BTBD9: variants seen among roughly 807,000 people sequenced by gnomAD.
BTBD9 encodes the protein BTB/POZ domain-containing protein 9.
BTBD9 carries 49 observed loss-of-function variants against 64.3 expected under a neutral mutation model. That is an observed-to-expected ratio of 0.76 (90% confidence interval 0.61 to 0.97). BTBD9 has a LOEUF of 0.97. BTBD9 is among the 50% of genes least tolerant of loss of function. BTBD9 has a pLI of 0.00. For synonymous variants in BTBD9, 260 were observed against 274.7 expected (o/e 0.95, Z 0.53); for missense variants, 598 against 762.1 (o/e 0.78, Z 2.53).
At chr6:38,208,759 C>T (rs1056231310) in intron 9 of BTBD9, among the ~76,000 whole-genome samples, 1 of 152,200 alleles carries the variant, frequency 6.6e-6, no homozygotes. Context: ...TCCAGACTTA[C>T]AGGGAATTCT....
At chr6:38,612,397 C>T (rs1777641665) in intron 1 of BTBD9, among the ~76,000 whole-genome samples, 2 of 152,198 alleles carry the variant, frequency 1.3e-5, no homozygotes, top group Admixed American at 1.3e-4. Context: ...ACCAACTAAC[C>T]AAGTTTATTA....
intron 4 of BTBD9, chr6:38,588,313 C>T (rs1776635800): frequency 9.9e-7 from 1 of 1,007,992 alleles, no homozygotes; most frequent in African/African-American, 1.6e-5. Flanking sequence ...TTATCCTGCA[C>T]AAATTTATAC....
chr6:38,442,529 G>T (rs928890330), intron 6 of BTBD9, among the ~76,000 whole-genome samples: 1 of 151,986 alleles, frequency 6.6e-6, no homozygotes, highest in African/African-American at 2.4e-5. Flanking sequence ...AGTACATGGA[G>T]AGGAAGAATA....
intron 9 of BTBD9, among the ~76,000 whole-genome samples, chr6:38,220,058 G>A (rs771335759): frequency 1.3e-5 from 2 of 152,188 alleles, no homozygotes; most frequent in South Asian, 2.1e-4. Flanking sequence ...GAAAAAGTGC[G>A]TCTACCTCTT....
intron 8 of BTBD9, among the ~76,000 whole-genome samples, chr6:38,257,626 T>C (rs991332209): frequency 2.0e-5 from 3 of 152,234 alleles, no homozygotes; most frequent in Non-Finnish European, 2.9e-5. Flanking sequence ...TTTGGAGATA[T>C]AGGCAAATAT....
At chr6:38,281,323 T>C (rs1434856798) in intron 8 of BTBD9, among the ~76,000 whole-genome samples, 2 of 152,210 alleles carry the variant, frequency 1.3e-5, no homozygotes, top group Admixed American at 1.3e-4. Flanking sequence ...TAGAGTTGGT[T>C]GTAGCCACAC....
chr6:38,240,366 G>A (rs953607601), intron 9 of BTBD9, among the ~76,000 whole-genome samples: 1 of 152,216 alleles, frequency 6.6e-6, no homozygotes, highest in Non-Finnish European at 1.5e-5. Flanking sequence ...GAGCCCATGA[G>A]AGGAGGGAAG....
intron 6 of BTBD9, among the ~76,000 whole-genome samples, chr6:38,381,767 A>T (rs1440915978): frequency 1.3e-5 from 2 of 152,196 alleles, no homozygotes; most frequent in Non-Finnish European, 2.9e-5. Context: ...CTGGAAAACA[A>T]TAACAACTCT....
At chr6:38,317,600 ACCT>A (rs1763072354) in intron 7 of BTBD9, among the ~76,000 whole-genome samples, 1 of 151,824 alleles carries the variant, frequency 6.6e-6, no homozygotes. Context: ...CCCTATCTCT[ACCT>A]CCTCTTTAAG....
intron 1 of BTBD9, among the ~76,000 whole-genome samples, chr6:38,635,136 T>TC (rs1442637059): frequency 2.8e-5 from 4 of 145,228 alleles, no homozygotes; most frequent in Non-Finnish European, 6.1e-5. Context: ...CAGCTATTTC[T>TC]TTTTTTTTTT....
intron 6 of BTBD9, among the ~76,000 whole-genome samples, chr6:38,502,709 C>T (rs762702684): frequency 1.3e-5 from 2 of 152,126 alleles, no homozygotes; most frequent in Non-Finnish European, 2.9e-5. Context: ...GCACACTGTG[C>T]CCACAGAAAT....
chr6:38,440,082 T>C (rs929783123), intron 6 of BTBD9, among the ~76,000 whole-genome samples: 1 of 152,176 alleles, frequency 6.6e-6, no homozygotes, highest in Non-Finnish European at 1.5e-5. Context: ...AGTAGGCCAC[T>C]GAATTTATGA....
At position 38,537,873 on chromosome 6, in the gene BTBD9, T is replaced by C. The variant is rs759350781; in HGVS notation, c.1154+39727A>G. On this transcript the variant is annotated intron_variant, in intron 6 of 10. Coordinates refer to ENST00000481247, the MANE Select transcript of BTBD9 (RefSeq NM_001099272.2). ...ACTTTCAAGCCTTGGTCCTAATACA[T>C]TGGGCATACTGTACTCTGCTATCAC... 3.3e-5 allele frequency among the ~76,000 whole-genome samples: 5 copies of C among 152,102 alleles called. No homozygotes were observed. The East Asian group carries it at 9.6e-4, about 29-fold the overall frequency.
intron 8 of BTBD9, among the ~76,000 whole-genome samples, chr6:38,257,412 G>T (rs1392261911): frequency 6.6e-6 from 1 of 151,902 alleles, no homozygotes; most frequent in Non-Finnish European, 1.5e-5. Flanking sequence ...GCCCAGGCTG[G>T]TCTCAAACTT....
At chr6:38,394,174 TTAA>T (rs1437479556) in intron 6 of BTBD9, among the ~76,000 whole-genome samples, 1 of 152,118 alleles carries the variant, frequency 6.6e-6, no homozygotes, top group East Asian at 1.9e-4. Context: ...CCTCATGAAC[TTAA>T]GAGTCTAGTG....
chr6:38,404,219 C>A (rs1562136185), intron 6 of BTBD9, among the ~76,000 whole-genome samples: 1 of 152,160 alleles, frequency 6.6e-6, no homozygotes, highest in East Asian at 1.9e-4. Context: ...GAATTTATGG[C>A]ATATTAACTA....
At chr6:38,373,323 C>T (rs1321545837) in intron 6 of BTBD9, among the ~76,000 whole-genome samples, 3 of 151,986 alleles carry the variant, frequency 2.0e-5, no homozygotes, top group African/African-American at 4.8e-5. Flanking sequence ...ATTCTGTGCA[C>T]GATCTATTTT....
At chr6:38,487,684 G>A (rs200922328) in intron 6 of BTBD9, among the ~76,000 whole-genome samples, 1 of 150,380 alleles carries the variant, frequency 6.6e-6, no homozygotes. Context: ...AGAGAAGAAA[G>A]GAAAAGAAAA....
At chr6:38,479,112 G>A (rs1451403325) in intron 6 of BTBD9, among the ~76,000 whole-genome samples, 2 of 152,172 alleles carry the variant, frequency 1.3e-5, no homozygotes, top group African/African-American at 4.8e-5. Context: ...ACAAGAACGC[G>A]ACCAACACCA....
Sources: gnomAD v4.1 joint callset for allele counts (sites outside exome capture counted in the v4.1 genomes callset) on GRCh38, gnomAD v4.1.1 for gene constraint, MANE v1.5 for transcripts, NCBI Gene and HGNC (gene_info 2026-07-23, HGNC 2026-07-21) for gene names.